DGCR2: variants seen among roughly 807,000 people sequenced by gnomAD.
DGCR2 encodes DiGeorge syndrome critical region gene 2.
Under a neutral mutation model 51.6 loss-of-function variants are expected in DGCR2, and 24 were observed. That is an observed-to-expected ratio of 0.47 (90% confidence interval 0.34 to 0.65). The LOEUF (loss-of-function observed/expected upper bound fraction) is 0.65, where lower values mean the gene tolerates loss of function less well. DGCR2 is among the 30% of genes least tolerant of loss of function. The pLI is 0.01. For synonymous variants in DGCR2, 340 were observed against 315.4 expected (o/e 1.08, Z -0.82); for missense variants, 765 against 772.1 (o/e 0.99, Z 0.11).
At chr22:19,053,059 G>T (rs2082566325) in intron 6 of DGCR2, among the ~76,000 whole-genome samples, 1 of 152,194 alleles carries the variant, frequency 6.6e-6, no homozygotes, top group South Asian at 2.1e-4. Context: ...ACCCACCAGG[G>T]AAAGTCAAAT....
At chr22:19,120,126 C>T (rs979005386) in intron 1 of DGCR2, among the ~76,000 whole-genome samples, 1 of 152,240 alleles carries the variant, frequency 6.6e-6, no homozygotes, top group Non-Finnish European at 1.5e-5. Flanking sequence ...CCTGCCCTCC[C>T]TGCCCAGCCA....
intron 1 of DGCR2, among the ~76,000 whole-genome samples, chr22:19,096,275 T>G (rs766890709): frequency 6.6e-6 from 1 of 152,308 alleles, no homozygotes; most frequent in Non-Finnish European, 1.5e-5. Flanking sequence ...ATGTTCTCAT[T>G]CATATGTGGG....
intron 1 of DGCR2, among the ~76,000 whole-genome samples, chr22:19,104,141 TGA>T (rs2083236753): frequency 6.6e-6 from 1 of 152,100 alleles, no homozygotes; most frequent in Non-Finnish European, 1.5e-5. Context: ...CTTGTGAGGA[TGA>T]GAGAAAGGCA....
At chr22:19,044,626 C>G (rs1273167965) in intron 7 of DGCR2, among the ~76,000 whole-genome samples, 2 of 152,234 alleles carry the variant, frequency 1.3e-5, no homozygotes, top group African/African-American at 4.8e-5. Context: ...TGAGTTTCAG[C>G]TGCTCTGCAC....
At chr22:19,078,126 G>C (rs1486150535) in intron 2 of DGCR2, among the ~76,000 whole-genome samples, 1 of 152,158 alleles carries the variant, frequency 6.6e-6, no homozygotes, top group African/African-American at 2.4e-5. Flanking sequence ...ACCACACCCA[G>C]TGTCTTCTTT....
intron 2 of DGCR2, among the ~76,000 whole-genome samples, chr22:19,082,057 T>G (rs1228983900): frequency 1.2e-5 from 1 of 84,518 alleles, no homozygotes; most frequent in Non-Finnish European, 3.1e-5. Flanking sequence ...TTTTTGGGGT[T>G]TTTTTTGTTT....
chr22:19,042,236 G>C (rs1383684047), intron 7 of DGCR2, among the ~76,000 whole-genome samples: 2 of 152,204 alleles, frequency 1.3e-5, no homozygotes, highest in Non-Finnish European at 1.5e-5. Flanking sequence ...CATCACCGGA[G>C]CAAACTAGGA....
chr22:19,048,350 T>G, intron 7 of DGCR2, 90 bp downstream of exon 7: 2 of 1,405,412 alleles, frequency 1.4e-6, no homozygotes, highest in Non-Finnish European at 2.0e-6. Flanking sequence ...TAAACTCTCC[T>G]GAGTCCTCAC....
At chr22:19,066,209 G>A (rs142168334) in intron 3 of DGCR2, among the ~76,000 whole-genome samples, 356 of 152,298 alleles carry the variant, frequency 2.3e-3, no homozygotes, top group Non-Finnish European at 4.4e-3. Context: ...AGACCAGCCT[G>A]GGCAACATGG....
intron 7 of DGCR2, among the ~76,000 whole-genome samples, chr22:19,042,586 C>T (rs537288086): frequency 2.4e-4 from 37 of 152,266 alleles, no homozygotes; most frequent in African/African-American, 7.9e-4. Context: ...GAGCATGGCT[C>T]GGGCGGCTGC....
chr22:19,120,031 T>A (rs2083415149), intron 1 of DGCR2, among the ~76,000 whole-genome samples: 2 of 152,040 alleles, frequency 1.3e-5, no homozygotes, highest in African/African-American at 4.8e-5. Context: ...GCCAGGCAGA[T>A]CCCTGCAGCA....
In DGCR2 at chr22:19,051,230, G is replaced by T. The variant is rs530463464; in HGVS notation, c.803-2587C>A. 2.5e-4 allele frequency among the ~76,000 whole-genome samples: 35 copies of T among 142,590 alleles called. No individual in the cohort carries two copies. The South Asian group carries it at 8.0e-3, about 33-fold the overall frequency. The allele number at this position is 142,590 out of a possible 152,430, so 93.5% of individuals were successfully genotyped here. A position where few individuals can be genotyped will look rare whatever the true frequency, so the allele number is the denominator to read the frequency against. On this transcript the variant is annotated intron_variant, in intron 6 of 9. Transcript: ENST00000263196. ...AAAAAAAAATCCACGAAAGGAGAGA[G>T]AAATAACTAGGACTTCATTAAAATT...
rs115142889 is a variant in DGCR2, at chr22:19,113,960, G to A, written c.79+8168C>T. ...TGTCATCCCAGCTACTTGGGAGGTT[G>A]AGGCAGCATAATCACTTGAACCCAG... is the stretch of plus-strand genomic sequence containing the variant. On this transcript the variant is annotated intron_variant, in intron 1 of 9. Transcript: ENST00000263196. 7.7e-3 allele frequency among the ~76,000 whole-genome samples: 1,165 copies of A among 151,442 alleles called. 20 individuals carry two copies. The highest frequency in any genetic ancestry group is 0.026 in the African/African-American group (1,084 of 41,300).
At position 19,037,137 on chromosome 22, in the gene DGCR2, C is replaced by T. The variant is rs934601231; in HGVS notation, c.*1728G>A. The T allele has an allele frequency of 6.6e-6, 1 of 152,272 alleles. No individual in the cohort carries two copies. Among genetic ancestry groups the T allele is most frequent in the Non-Finnish European group, 1.5e-5 (1 of 68,122 alleles). 9.4% of individuals were successfully genotyped at this position (152,272 alleles called of 1,614,324 possible). On this transcript the variant is annotated 3_prime_UTR_variant, in exon 10 of 10. Transcript: ENST00000263196. Reference sequence around the variant, plus strand: ...CGTCCTCTGCAGCCAGTAGGGGACTCCTGTGGCCAGGACTTCCTTGTTAAG... The same window carrying T: ...CGTCCTCTGCAGCCAGTAGGGGACTTCTGTGGCCAGGACTTCCTTGTTAAG...
At chr22:19,086,348 AG>A (rs955109327) in intron 2 of DGCR2, among the ~76,000 whole-genome samples, 2 of 151,940 alleles carry the variant, frequency 1.3e-5, no homozygotes, top group Admixed American at 1.3e-4. Flanking sequence ...GTGTGGTAGC[AG>A]GCGCCTGTAA....
Position 19,038,888 on chromosome 22 carries a change from T to C in DGCR2, c.1630A>G (p.Ser544Gly), listed in dbSNP as rs1436205007. 2.5e-6 allele frequency: 4 copies of C among 1,612,794 alleles called. No individual in the cohort carries two copies. In the African/African-American group the frequency reaches 4.0e-5, roughly 16 times the overall value. The part of the protein sequence containing the change: ...ALPGGGRHSR[S>G]SLNTVV Reference sequence around the variant, plus strand: ...GTCTACACCACAGTATTGAGGGAGCTGCGGCTGTGGCGGCCACCCCCTGGC... The same window carrying C: ...GTCTACACCACAGTATTGAGGGAGCCGCGGCTGTGGCGGCCACCCCCTGGC... The change falls in exon 10 of 10, where the codon AGC (serine) becomes GGC (glycine). Residue 544 changes from serine (S) to glycine (G), a missense_variant. Physicochemically the swap from Ser to Gly is moderately conservative, Grantham distance 56. Around this residue, in one of 3 missense-constraint regions of DGCR2, gnomAD observed 205 missense variants for 181.4 expected, o/e 1.13. Coordinates refer to ENST00000263196, the MANE Select transcript of DGCR2 (RefSeq NM_005137.3).
At chr22:19,046,721 C>A in intron 7 of DGCR2, 1 of 432,082 alleles carries the variant, frequency 2.3e-6, no homozygotes, top group Non-Finnish European at 4.8e-6. Context: ...AGCATGGCCA[C>A]AGGGCAGGCA....
chr22:19,103,739 T>TA (rs34046451), intron 1 of DGCR2, among the ~76,000 whole-genome samples: 2,255 of 78,628 alleles, frequency 0.029, 43 homozygotes, highest in African/African-American at 0.042. Flanking sequence ...AAAAAATTCT[T>TA]AAAAAAAAAA....
At chr22:19,119,896 C>T (rs943649782) in intron 1 of DGCR2, among the ~76,000 whole-genome samples, 1 of 152,104 alleles carries the variant, frequency 6.6e-6, no homozygotes, top group African/African-American at 2.4e-5. Flanking sequence ...AGTCAGAAAA[C>T]ACCCTCCTGA....
Sources: allele counts gnomAD v4.1 joint callset (sites outside exome capture counted in the v4.1 genomes callset), GRCh38; gene constraint gnomAD v4.1.1; regional missense constraint gnomAD v4.1.1; transcripts MANE v1.5; gene names NCBI Gene and HGNC (gene_info 2026-07-23, HGNC 2026-07-21).